SLC38A1: variants seen among roughly 807,000 people sequenced by gnomAD.
SLC38A1 encodes solute carrier family 38 member 1.
A neutral mutation model predicts 60.3 loss-of-function variants in SLC38A1; 18 were observed. The ratio of observed to expected loss-of-function variants is 0.30; its 90% CI spans 0.21 to 0.44. The LOEUF (loss-of-function observed/expected upper bound fraction) is 0.44. SLC38A1 is among the 20% of genes least tolerant of loss of function. The pLI, the probability that SLC38A1 is intolerant of heterozygous loss-of-function variation, is 1.00. For missense variants in SLC38A1, 448 were observed against 587.2 expected, an observed-to-expected ratio of 0.76 and a Z score of 2.45; for synonymous variants, 196 against 212.1, an observed-to-expected ratio of 0.92 and a Z score of 0.66.
At chr12:46,227,689 C>A (rs1344456647) in intron 5 of SLC38A1, among the ~76,000 whole-genome samples, 17 of 152,178 alleles carry the variant, frequency 1.1e-4, no homozygotes, top group Non-Finnish European at 4.4e-5. Context: ...CTGAAGTGAA[C>A]ATATTCCCAG....
At chr12:46,256,825 A>G (rs1242922046) in intron 1 of SLC38A1, among the ~76,000 whole-genome samples, 3 of 152,222 alleles carry the variant, frequency 2.0e-5, no homozygotes, top group Non-Finnish European at 4.4e-5. Context: ...AATATGTGTG[A>G]CAAAACATAG....
chr12:46,268,965 A>C lies in SLC38A1; in HGVS notation c.-648T>G, dbSNP rs1413094830. 1 of 438,692 alleles carries C rather than the reference A, an allele frequency of 2.3e-6. No individual in the cohort carries two copies. Among genetic ancestry groups the C allele is most frequent in the African/African-American group, 2.0e-5 (1 of 49,768 alleles). The allele number at this position is 438,692 out of a possible 1,614,324, so 27.2% of individuals were successfully genotyped here. On this transcript the variant is annotated 5_prime_UTR_variant, in exon 1 of 17. Coordinates refer to ENST00000398637, the MANE Select transcript of SLC38A1 (RefSeq NM_030674.4). This position sits in a 1 kb window ranked among gnomAD's most constrained non-coding sequence, Gnocchi z 4.4. Reference sequence around the variant, plus strand: ...CATGGCTTGTGATGGTTTAACGCGGACAGGCCATTCCTCCCCGTCCCGCGC... The same window carrying C: ...CATGGCTTGTGATGGTTTAACGCGGCCAGGCCATTCCTCCCCGTCCCGCGC...
intron 5 of SLC38A1, among the ~76,000 whole-genome samples, chr12:46,223,400 C>T (rs1301567630): frequency 6.6e-6 from 1 of 151,934 alleles, no homozygotes; most frequent in Non-Finnish European, 1.5e-5. Flanking sequence ...ACAGTGTGTA[C>T]TATGCACCAC....
chr12:46,202,984 G>C (rs757235458), intron 12 of SLC38A1, 26 bp downstream of exon 12: 1 of 1,578,246 alleles, frequency 6.3e-7, no homozygotes, highest in Non-Finnish European at 8.7e-7. Context: ...AAACGATTAA[G>C]ATAAAAAATT....
chr12:46,209,591 A>C, intron 5 of SLC38A1, among the ~76,000 whole-genome samples: 1 of 152,158 alleles, frequency 6.6e-6, no homozygotes, highest in South Asian at 2.1e-4. Context: ...CATAATATAA[A>C]GATACAAGCC....
chr12:46,203,005 C>T lies in SLC38A1; in HGVS notation c.902+5G>A. 1 of 1,608,550 alleles carries T rather than the reference C, an allele frequency of 6.2e-7. No homozygotes were observed. Among genetic ancestry groups the T allele is most frequent in the African/African-American group, 1.3e-5 (1 of 74,868 alleles). On this transcript the variant is annotated splice_donor_5th_base_variant and intron_variant, in intron 12 of 16. Transcript: ENST00000398637. ...TTAAGATAAAAAATTAAACAAATTTCTTACTCTTTAAGCTCACTGTAAATT... is the reference window on the plus strand; with the variant it reads ...TTAAGATAAAAAATTAAACAAATTTTTTACTCTTTAAGCTCACTGTAAATT...
intron 5 of SLC38A1, among the ~76,000 whole-genome samples, chr12:46,215,958 T>G (rs1592099146): frequency 6.6e-6 from 1 of 152,156 alleles, no homozygotes; most frequent in Non-Finnish European, 1.5e-5. Context: ...TACTGCTTGT[T>G]GAGGCAGAGT....
At chr12:46,245,439 C>T (rs1023045187) in intron 1 of SLC38A1, among the ~76,000 whole-genome samples, 3 of 152,154 alleles carry the variant, frequency 2.0e-5, no homozygotes, top group African/African-American at 7.2e-5. Context: ...TTAGGACAGC[C>T]ATTATCAAAA....
At chr12:46,211,480 T>C (rs772217271) in intron 5 of SLC38A1, among the ~76,000 whole-genome samples, 19 of 152,238 alleles carry the variant, frequency 1.2e-4, no homozygotes, top group Non-Finnish European at 2.5e-4. Flanking sequence ...AAAAGAAACA[T>C]TCTAAGGAAA....
intron 5 of SLC38A1, among the ~76,000 whole-genome samples, chr12:46,224,816 G>C (rs1025002004): frequency 6.6e-6 from 1 of 152,132 alleles, no homozygotes; most frequent in African/African-American, 2.4e-5. Flanking sequence ...GGTGTGTTGC[G>C]CTTGTTATCC....
intron 1 of SLC38A1, among the ~76,000 whole-genome samples, chr12:46,250,685 A>C (rs1941805465): frequency 6.6e-6 from 1 of 152,332 alleles, no homozygotes; most frequent in African/African-American, 2.4e-5. Context: ...CCATTCCTAT[A>C]AACCAATAAC....
At chr12:46,245,205 A>G (rs1941573038) in intron 1 of SLC38A1, among the ~76,000 whole-genome samples, 1 of 152,250 alleles carries the variant, frequency 6.6e-6, no homozygotes, top group African/African-American at 2.4e-5. Context: ...GTTATGAATC[A>G]TCATTGGTTT....
chr12:46,226,670 G>C lies in SLC38A1; in HGVS notation c.314+2483C>G, dbSNP rs183737840. On this transcript the variant is annotated intron_variant, in intron 5 of 16. Coordinates refer to ENST00000398637, the MANE Select transcript of SLC38A1 (RefSeq NM_030674.4). Reference sequence around the variant, plus strand: ...GACGGAATCTTGCTCTGTCCCCCAGGTTGGACACAATCTCGGCTCACTGCA... The same window carrying C: ...GACGGAATCTTGCTCTGTCCCCCAGCTTGGACACAATCTCGGCTCACTGCA... Among the ~76,000 whole-genome samples, 15 of 144,762 alleles carry C rather than the reference G, an allele frequency of 1.0e-4. No homozygotes were observed. In the East Asian group the frequency reaches 1.8e-3, roughly 17 times the overall value. 95.0% of individuals were successfully genotyped at this position (144,762 alleles called of 152,430 possible).
intron 16 of SLC38A1, among the ~76,000 whole-genome samples, chr12:46,195,319 C>A (rs1355547713): frequency 6.6e-6 from 1 of 152,156 alleles, no homozygotes. Context: ...AAGCTTCGTC[C>A]CAGAGGGGCA....
At chr12:46,202,385 A>G (rs1939702876) in intron 12 of SLC38A1, among the ~76,000 whole-genome samples, 1 of 152,182 alleles carries the variant, frequency 6.6e-6, no homozygotes, top group Non-Finnish European at 1.5e-5. Context: ...AAGATACGCT[A>G]TTGTGACTAT....
At chr12:46,260,371 C>A (rs1942160708) in intron 1 of SLC38A1, among the ~76,000 whole-genome samples, 1 of 152,172 alleles carries the variant, frequency 6.6e-6, no homozygotes, top group African/African-American at 2.4e-5. Flanking sequence ...TCTTCCCAGT[C>A]TTTTTCACTT....
intron 16 of SLC38A1, among the ~76,000 whole-genome samples, chr12:46,190,898 T>G (rs141234062): frequency 6.6e-6 from 1 of 152,210 alleles, no homozygotes; most frequent in African/African-American, 2.4e-5. Flanking sequence ...TTCACTCTGA[T>G]GGTAGTTTCT....
chr12:46,216,651 G>T lies in SLC38A1; in HGVS notation c.315-7524C>A, dbSNP rs139882113. On this transcript the variant is annotated intron_variant, in intron 5 of 16. Transcript: ENST00000398637. Reference sequence around the variant, plus strand: ...AGATTGCCTGAGCTCAGGAGTTCGCGACCAGCCTGGATAACATGGTGAAAC... The same window carrying T: ...AGATTGCCTGAGCTCAGGAGTTCGCTACCAGCCTGGATAACATGGTGAAAC... Among the ~76,000 whole-genome samples, 585 of 152,278 alleles carry T rather than the reference G, an allele frequency of 3.8e-3. 5 individuals are homozygous for T. Among genetic ancestry groups the T allele is most frequent in the African/African-American group, 0.014 (570 of 41,542 alleles).
At chr12:46,216,625 C>T (rs1399963447) in intron 5 of SLC38A1, among the ~76,000 whole-genome samples, 1 of 152,124 alleles carries the variant, frequency 6.6e-6, no homozygotes, top group African/African-American at 2.4e-5. Context: ...CAGAGGTGGG[C>T]AGATTGCCTG....
Sources: gnomAD v4.1 joint callset for allele counts (sites outside exome capture counted in the v4.1 genomes callset) on GRCh38, gnomAD v4.1.1 for gene constraint, Gnocchi (gnomAD v3.1) non-coding constraint, MANE v1.5 for transcripts, NCBI Gene and HGNC (gene_info 2026-07-23, HGNC 2026-07-21) for gene names.